PRTFDC1: variants seen among roughly 807,000 people sequenced by gnomAD.
PRTFDC1 encodes phosphoribosyl transferase domain containing 1.
In PRTFDC1, 38 loss-of-function variants were observed where a neutral mutation model predicts 34.6. The ratio of observed to expected loss-of-function variants is 1.10; its 90% CI spans 0.85 to 1.44. The LOEUF (loss-of-function observed/expected upper bound fraction) is 1.44. Ranked by LOEUF, PRTFDC1 falls within the 40% of genes most tolerant of loss-of-function variation. PRTFDC1 has a pLI of 0.00. For missense variants in PRTFDC1, 270 were observed against 283.0 expected (o/e 0.95, Z 0.33); for synonymous variants, 93 against 98.1 (o/e 0.95, Z 0.31).
At position 24,849,369 on chromosome 10, in the gene PRTFDC1, G is replaced by A. The variant is rs1847443572; in HGVS notation, c.*475C>T. Reference sequence around the variant, plus strand: ...GTCCTTTCCCTCCTTTTAAAATATGGGAATCTATTAATAGCTGCATTCCCG... The same window carrying A: ...GTCCTTTCCCTCCTTTTAAAATATGAGAATCTATTAATAGCTGCATTCCCG... On this transcript the variant is annotated 3_prime_UTR_variant, in exon 9 of 9. Coordinates refer to ENST00000320152, the MANE Select transcript of PRTFDC1 (RefSeq NM_020200.7). 1 of 152,632 alleles carries A rather than the reference G, an allele frequency of 6.6e-6. No individual in the cohort carries two copies. The allele number at this position is 152,632 out of a possible 1,614,324, so 9.5% of individuals were successfully genotyped here. A position where few individuals can be genotyped will look rare whatever the true frequency, so the allele number is the denominator to read the frequency against.
At chr10:24,881,033 C>CTT (rs371767805) in intron 3 of PRTFDC1, among the ~76,000 whole-genome samples, 1 of 132,130 alleles carries the variant, frequency 7.6e-6, no homozygotes, top group Non-Finnish European at 1.6e-5. Flanking sequence ...CTCTCTCTAT[C>CTT]TCTTTCTTTC....
chr10:24,858,237 GGAC>G (rs1847616347), intron 5 of PRTFDC1, among the ~76,000 whole-genome samples, 152 bp downstream of exon 5: 1 of 152,130 alleles, frequency 6.6e-6, no homozygotes, highest in Non-Finnish European at 1.5e-5. Flanking sequence ...TTGAAATCAG[GGAC>G]GCTATCTGGC....
chr10:24,907,269 C>T (rs1223184892), intron 3 of PRTFDC1, among the ~76,000 whole-genome samples: 2 of 152,078 alleles, frequency 1.3e-5, no homozygotes, highest in African/African-American at 4.8e-5. Context: ...CTAACAGTGA[C>T]TTGTATGAAT....
chr10:24,881,595 G>A (rs1307696394), intron 3 of PRTFDC1, among the ~76,000 whole-genome samples: 1 of 152,136 alleles, frequency 6.6e-6, no homozygotes, highest in Non-Finnish European at 1.5e-5. Context: ...TGGGGATCAG[G>A]TCAACTCCTT....
intron 3 of PRTFDC1, among the ~76,000 whole-genome samples, chr10:24,899,654 A>T (rs1251410503): frequency 1.3e-5 from 2 of 152,214 alleles, no homozygotes; most frequent in Non-Finnish European, 2.9e-5. Context: ...ATCATCAGAG[A>T]TGCCACATCT....
chr10:24,895,687 G>GTATATATA (rs1565269461), intron 3 of PRTFDC1, among the ~76,000 whole-genome samples: 3 of 30,834 alleles, frequency 9.7e-5, no homozygotes, highest in Admixed American at 3.6e-4. Flanking sequence ...GAGCTGGGGT[G>GTATATATA]GATATATATA....
At chr10:24,906,503 G>T (rs1848538229) in intron 3 of PRTFDC1, among the ~76,000 whole-genome samples, 1 of 152,162 alleles carries the variant, frequency 6.6e-6, no homozygotes, top group African/African-American at 2.4e-5. Flanking sequence ...CACAGAGGGA[G>T]TATGCTGATA....
chr10:24,926,601 G>A (rs1258128599), intron 3 of PRTFDC1, among the ~76,000 whole-genome samples: 4 of 152,146 alleles, frequency 2.6e-5, no homozygotes, highest in African/African-American at 4.8e-5. Context: ...TGCCTGTCTC[G>A]GCCTCCCAAA....
chr10:24,900,346 G>A (rs984982345), intron 3 of PRTFDC1, among the ~76,000 whole-genome samples: 24 of 152,234 alleles, frequency 1.6e-4, no homozygotes, highest in Non-Finnish European at 2.9e-5. Context: ...ACTGTTCCAT[G>A]TCTAGGCTCA....
At chr10:24,909,718 G>T (rs1379708907) in intron 3 of PRTFDC1, among the ~76,000 whole-genome samples, 1 of 152,070 alleles carries the variant, frequency 6.6e-6, no homozygotes. Flanking sequence ...ATTGAGAAAG[G>T]CCATTTAGCT....
intron 3 of PRTFDC1, among the ~76,000 whole-genome samples, chr10:24,880,398 T>C (rs1848047176): frequency 6.6e-6 from 1 of 151,980 alleles, no homozygotes; most frequent in Non-Finnish European, 1.5e-5. Flanking sequence ...GATTACAGGC[T>C]ACCAGGCCCA....
intron 3 of PRTFDC1, among the ~76,000 whole-genome samples, chr10:24,922,912 G>A (rs1222831441): frequency 6.6e-6 from 1 of 152,198 alleles, no homozygotes; most frequent in African/African-American, 2.4e-5. Context: ...GTGACAGACT[G>A]TACCTGGAGG....
intron 3 of PRTFDC1, among the ~76,000 whole-genome samples, chr10:24,886,702 C>T (rs111631475): frequency 1.3e-5 from 2 of 152,142 alleles, no homozygotes; most frequent in African/African-American, 2.4e-5. Context: ...GCTTCGAATT[C>T]CTGGGCTCAA....
intron 3 of PRTFDC1, among the ~76,000 whole-genome samples, chr10:24,926,403 A>G (rs1444823018): frequency 6.6e-6 from 1 of 152,142 alleles, no homozygotes; most frequent in African/African-American, 2.4e-5. Flanking sequence ...TTTGAGACGG[A>G]GTCTCATTCT....
chr10:24,950,449 G>A (rs996190668), intron 1 of PRTFDC1, among the ~76,000 whole-genome samples: 4 of 152,000 alleles, frequency 2.6e-5, no homozygotes, highest in African/African-American at 7.3e-5. Context: ...GGAGCATTTC[G>A]GATTTTGGAT....
intron 4 of PRTFDC1, among the ~76,000 whole-genome samples, chr10:24,859,294 C>T (rs1316234959): frequency 6.6e-6 from 1 of 152,188 alleles, no homozygotes; most frequent in Non-Finnish European, 1.5e-5. Flanking sequence ...GGGTCCCACT[C>T]TGTCACCCAG....
At chr10:24,904,382 T>G (rs928957543) in intron 3 of PRTFDC1, among the ~76,000 whole-genome samples, 13 of 152,160 alleles carry the variant, frequency 8.5e-5, no homozygotes, top group African/African-American at 3.1e-4. Flanking sequence ...GCAGGTCACA[T>G]TAATGTATAT....
intron 3 of PRTFDC1, among the ~76,000 whole-genome samples, chr10:24,890,438 C>T (rs1422706268): frequency 1.3e-5 from 2 of 152,214 alleles, no homozygotes; most frequent in Non-Finnish European, 2.9e-5. Context: ...CTAGCAAGGG[C>T]CAGTGGCTAT....
chr10:24,907,931 T>C (rs764895658), intron 3 of PRTFDC1, among the ~76,000 whole-genome samples: 4 of 152,242 alleles, frequency 2.6e-5, no homozygotes, highest in Non-Finnish European at 5.9e-5. Context: ...ACTATTTCAT[T>C]CTAGGGCTAG....
Sources: allele counts gnomAD v4.1 joint callset (sites outside exome capture counted in the v4.1 genomes callset), GRCh38; gene constraint gnomAD v4.1.1; transcripts MANE v1.5; gene names NCBI Gene and HGNC (gene_info 2026-07-23, HGNC 2026-07-21).